Variants in TMC5 observed in about 807,000 individuals in gnomAD.
TMC5 encodes the protein transmembrane channel like 5, also known as transmembrane channel-like protein 5.
TMC5 carries 86 observed loss-of-function variants against 110.5 expected under a neutral mutation model. The ratio of observed to expected loss-of-function variants is 0.78; its 90% CI spans 0.65 to 0.93. TMC5 has a LOEUF of 0.93. Ranked by LOEUF, TMC5 falls within the 40% of genes least tolerant of loss-of-function variation. The pLI, the probability that TMC5 is intolerant of heterozygous loss-of-function variation, is 0.00. For missense variants in TMC5, 1,144 were observed against 1,222.8 expected (o/e 0.94, Z 0.96); for synonymous variants, 455 against 439.5 (o/e 1.04, Z -0.44).
At chr16:19,486,759 CA>C (rs1468135770) in intron 15 of TMC5, among the ~76,000 whole-genome samples, 185 bp from the exon 16 acceptor site, 2 of 152,128 alleles carry the variant, frequency 1.3e-5, no homozygotes, top group East Asian at 3.9e-4. Context: ...AATCACCTCT[CA>C]AAGGCCCTGT....
At chr16:19,456,350 T>A (rs1185576003) in intron 5 of TMC5, 5 of 577,822 alleles carry the variant, frequency 8.7e-6, no homozygotes, top group Non-Finnish European at 8.9e-6. Context: ...ATCTTGCCCT[T>A]TGACTATGAG....
intron 12 of TMC5, among the ~76,000 whole-genome samples, chr16:19,475,360 T>C (rs941047390): frequency 6.6e-6 from 1 of 151,424 alleles, no homozygotes; most frequent in African/African-American, 2.4e-5. Flanking sequence ...AGGCGGAGGT[T>C]GCAGCGAACC....
rs1208630266 is a variant in TMC5 at position 19,457,004 on chromosome 16, G to A, written c.1049-3231G>A. 4 of 1,610,528 alleles carry A rather than the reference G, an allele frequency of 2.5e-6. No individual in the cohort carries two copies. In the Admixed American group the frequency reaches 6.7e-5, roughly 27 times the overall value. ...CATAGACACTCCTGGTTCTTCACATGAAACTGTTCAAGGTAGTGAAATGCT... is the reference window on the plus strand; with the variant it reads ...CATAGACACTCCTGGTTCTTCACATAAAACTGTTCAAGGTAGTGAAATGCT... On this transcript the variant is annotated intron_variant, in intron 5 of 21. Transcript: ENST00000542583.
chr16:19,430,810 T>C (rs1205335577), intron 2 of TMC5, among the ~76,000 whole-genome samples, 170 bp downstream of exon 2: 1 of 152,010 alleles, frequency 6.6e-6, no homozygotes, highest in Non-Finnish European at 1.5e-5. Flanking sequence ...AAAACAGAAT[T>C]TTATTGGGAC....
In TMC5 at chr16:19,479,501, A is replaced by G. The variant is rs201645334; in HGVS notation, c.2240A>G (p.Asn747Ser). The G allele has an allele frequency of 2.7e-5, 43 of 1,613,766 alleles. No individual in the cohort carries two copies. Among genetic ancestry groups the G allele is most frequent in the Admixed American group, 5.0e-5 (3 of 59,964 alleles). ...LLMDFVFSLVNSFLGEFLRRI... is the reference protein window; with the variant it reads ...LLMDFVFSLVSSFLGEFLRRI... ...ATGGATTTTGTGTTCTCTTTAGTCA[A>G]TTCCTTCCTGGGGGAGTTTCTGAGG... is the stretch of plus-strand genomic sequence containing the variant. Residue 747 changes from asparagine to serine, a missense_variant, in exon 14 of 22, where the codon AAT becomes AGT. Coordinates refer to ENST00000542583, the MANE Select transcript of TMC5 (RefSeq NM_001261841.2).
In TMC5 at chr16:19,453,179, T is replaced by G. The variant is rs137917672; in HGVS notation, c.1048+3548T>G. Among the ~76,000 whole-genome samples the G allele has an allele frequency of 7.0e-4, 106 of 151,924 alleles. 1 individual carries two copies. The East Asian group carries it at 0.012, about 17-fold the overall frequency. On this transcript the variant is annotated intron_variant, in intron 5 of 21. Coordinates refer to ENST00000542583, the MANE Select transcript of TMC5 (RefSeq NM_001261841.2). ...CAATTAAATAATAGCCCAGGCTGGGTGCACTGGCTCACACCTGTAATCCCA... is the reference window on the plus strand; with the variant it reads ...CAATTAAATAATAGCCCAGGCTGGGGGCACTGGCTCACACCTGTAATCCCA...
At position 19,440,403 on chromosome 16, in the gene TMC5, C is replaced by T. The variant is rs1211823418; in HGVS notation, c.365C>T (p.Ser122Leu). The T allele has an allele frequency of 6.2e-7, 1 of 1,614,150 alleles. No homozygotes were observed. Among genetic ancestry groups the T allele is most frequent in the Admixed American group, 1.7e-5 (1 of 60,034 alleles). Reference protein sequence around the residue: ...EFQSHPYHRASSRQPDYPGSQ... With the variant: ...EFQSHPYHRALSRQPDYPGSQ... ...CAGAGTCATCCCTACCACCGAGCATCATCCAGACAACCAGACTACCCTGGA... is the reference window on the plus strand; with the variant it reads ...CAGAGTCATCCCTACCACCGAGCATTATCCAGACAACCAGACTACCCTGGA... The change falls in exon 3 of 22, where the codon TCA (serine) becomes TTA (leucine). Residue 122 changes from serine (S) to leucine (L), a missense_variant. Ser to Leu is a moderately radical substitution (Grantham distance 145, BLOSUM62 -2). Coordinates refer to ENST00000542583, the MANE Select transcript of TMC5 (RefSeq NM_001261841.2).
At chr16:19,441,431 C>T (rs1187124930) in intron 3 of TMC5, among the ~76,000 whole-genome samples, 1 of 151,286 alleles carries the variant, frequency 6.6e-6, no homozygotes, top group African/African-American at 2.4e-5. Context: ...TTGATCCTCC[C>T]ACCCCAGCCT....
At position 19,487,242 on chromosome 16, in the gene TMC5, C is replaced by T; in HGVS notation, c.2489C>T (p.Ser830Leu). Residue 830 changes from serine to leucine, a missense_variant, in exon 17 of 22, where the codon TCA becomes TTA. Physicochemically the swap from Ser to Leu is moderately radical, Grantham distance 145. Coordinates refer to ENST00000542583, the MANE Select transcript of TMC5 (RefSeq NM_001261841.2). ...CCTCCGAGCAAAGCCTGGCGGGCCT[C>T]ACAGATGATGACTTTCTTCATCTTC... ...FQPPSKAWRA[S>L]QMMTFFIFLL... is the part of the protein sequence containing the mutation. 6.2e-7 allele frequency: 1 copy of T among 1,614,170 alleles called. No homozygotes were observed. Among genetic ancestry groups the T allele is most frequent in the Non-Finnish European group, 8.5e-7 (1 of 1,180,024 alleles).
intron 6 of TMC5, among the ~76,000 whole-genome samples, chr16:19,460,869 T>G (rs1412018951): frequency 6.6e-6 from 1 of 152,222 alleles, no homozygotes; most frequent in East Asian, 1.9e-4. Flanking sequence ...TACAGAGACG[T>G]GACAGGCTGG....
chr16:19,413,964 T>C (rs12923298), upstream of TMC5, among the ~76,000 whole-genome samples: 11,204 of 152,284 alleles, frequency 0.074, 1,198 homozygotes, highest in East Asian at 0.43. Flanking sequence ...AACCCACACA[T>C]AGACGGTGAC....
intron 14 of TMC5, 96 bp from the exon 15 acceptor site, chr16:19,481,274 T>C: frequency 1.1e-6 from 1 of 870,774 alleles, no homozygotes; most frequent in Non-Finnish European, 1.9e-6. Flanking sequence ...TATTTCAAGC[T>C]GGGGAGGGTC....
At chr16:19,431,288 C>A (rs1967190762) in intron 2 of TMC5, among the ~76,000 whole-genome samples, 1 of 152,078 alleles carries the variant, frequency 6.6e-6, no homozygotes, top group Non-Finnish European at 1.5e-5. Flanking sequence ...CACCTGTAAT[C>A]CCAGCACTTT....
At position 19,487,003 on chromosome 16, in the gene TMC5, A is replaced by C; in HGVS notation, c.2422A>C (p.Met808Leu). The change falls in exon 16 of 22, where the codon ATG (methionine) becomes CTG (leucine). Residue 808 changes from methionine to leucine, a missense_variant. By Grantham distance (15) the Met-to-Leu change is conservative (BLOSUM62 2). Transcript: ENST00000542583. ...TATCCAAATGATTATGCTTTTCATC[A>C]TGTTCTACTCCAAAAATGTGAGTCA... Reference protein sequence around the residue: ...PFIQMIMLFIMFYSKNISLMM... With the variant: ...PFIQMIMLFILFYSKNISLMM... 1 of 1,613,990 alleles carries C rather than the reference A, an allele frequency of 6.2e-7. No individual in the cohort carries two copies. The highest frequency in any genetic ancestry group is 8.5e-7 in the Non-Finnish European group (1 of 1,180,026).
intron 18 of TMC5, 104 bp downstream of exon 18, chr16:19,490,672 A>T (rs1968864667): frequency 1.7e-6 from 2 of 1,144,378 alleles, no homozygotes; most frequent in Non-Finnish European, 2.6e-6. Flanking sequence ...AGCATAGCTC[A>T]GTGTTCTGGG....
chr16:19,492,128 T>A lies in TMC5; in HGVS notation c.2748-22T>A, dbSNP rs1180068048. 1.9e-6 allele frequency: 3 copies of A among 1,584,686 alleles called. No individual in the cohort carries two copies. The African/African-American group carries it at 4.0e-5, about 21-fold the overall frequency. ...TGCAAAACATTTGCAAGAGTGTCAT[T>A]CTTTCTTTTCTCCTCTTCCAGAATC... On this transcript the variant is annotated intron_variant, in intron 18 of 21. Transcript: ENST00000542583.
chr16:19,447,578 A>C (rs1451629992), intron 4 of TMC5, among the ~76,000 whole-genome samples: 1 of 152,066 alleles, frequency 6.6e-6, no homozygotes, highest in Non-Finnish European at 1.5e-5. Context: ...TCCTATTATT[A>C]TCCCTATTTA....
intron 5 of TMC5, among the ~76,000 whole-genome samples, chr16:19,458,367 C>T (rs756842573): frequency 3.3e-5 from 5 of 152,020 alleles, no homozygotes; most frequent in African/African-American, 7.3e-5. Flanking sequence ...CCTGACACCA[C>T]GCCTGGCTAA....
intron 2 of TMC5, among the ~76,000 whole-genome samples, chr16:19,435,707 C>T (rs1967329822): frequency 6.6e-6 from 1 of 152,120 alleles, no homozygotes; most frequent in African/African-American, 2.4e-5. Flanking sequence ...TCAAGGTAGC[C>T]ACTATTTTGA....
Sources: allele counts gnomAD v4.1 joint callset (sites outside exome capture counted in the v4.1 genomes callset), GRCh38; gene constraint gnomAD v4.1.1; transcripts MANE v1.5; gene names NCBI Gene and HGNC (gene_info 2026-07-23, HGNC 2026-07-21).